The following DOCK9 variants were observed in gnomAD, a reference collection of about 807,000 sequenced individuals.
The protein encoded by DOCK9 is dedicator of cytokinesis protein 9.
In DOCK9, 89 loss-of-function variants were observed where a neutral mutation model predicts 263.3. The observed-to-expected ratio is 0.34, with a 90% CI of 0.28 to 0.40. The LOEUF is 0.40. Among genes scored for constraint, DOCK9 ranks in the 10% least tolerant of loss-of-function variants. The probability of loss-of-function intolerance (pLI) is 1.00; values close to 1 mark genes in which losing one functional copy is unlikely to be tolerated. For synonymous variants in DOCK9, 976 were observed against 973.1 expected (o/e 1.00, Z -0.06); for missense variants, 2,140 against 2,603.4 (o/e 0.82, Z 3.87).
Position 98,925,879 on chromosome 13 carries a change from T to G in DOCK9, c.374A>C (p.Tyr125Ser). 6.3e-7 allele frequency: 1 copy of G among 1,587,082 alleles called. No individual in the cohort carries two copies. Among genetic ancestry groups the G allele is most frequent in the Non-Finnish European group, 8.6e-7 (1 of 1,165,870 alleles). ...TYNSDWHLVN[Y>S]KYEDYSGEFR... ...CTCTCCTGAGTAATCTTCATATTTA[T>G]AGTTCACAAGATGCCAGTCAGAGTT... Residue 125 changes from tyrosine (Y) to serine (S), a missense_variant, in exon 4 of 53, where the codon TAT becomes TCT. Coordinates refer to ENST00000682017, the MANE Select transcript of DOCK9 (RefSeq NM_001366683.2).
At position 98,805,013 on chromosome 13, in the gene DOCK9, C is replaced by A. The variant is rs769326350; in HGVS notation, c.5711G>T (p.Arg1904Leu). The part of the protein sequence containing the change: ...QGGVEEQCKR[R>L]TILTAIHCFP... ...GGGGCCCATACCTGTCAGGATGGTG[C>A]GCCGTTTGCACTGCTCTTCCACCCC... Residue 1904 changes from arginine (R) to leucine (L), a missense_variant, in exon 49 of 53, where the codon CGC becomes CTC. Arg to Leu is a moderately radical substitution (Grantham distance 102). Transcript: ENST00000682017. 1.2e-6 allele frequency: 2 copies of A among 1,604,676 alleles called. No individual in the cohort carries two copies. The highest frequency in any genetic ancestry group is 2.2e-5 in the East Asian group (1 of 44,574).
At chr13:98,930,686 C>T (rs1252386374) in intron 2 of DOCK9, among the ~76,000 whole-genome samples, 2 of 152,046 alleles carry the variant, frequency 1.3e-5, no homozygotes, top group Non-Finnish European at 2.9e-5. Flanking sequence ...GCTCTGTTGC[C>T]CAGGCTGGAG....
intron 1 of DOCK9, among the ~76,000 whole-genome samples, chr13:99,068,937 C>T (rs1012865481): frequency 2.6e-5 from 4 of 152,278 alleles, no homozygotes; most frequent in Non-Finnish European, 2.9e-5. Flanking sequence ...AAGAAAACAG[C>T]AATATGTTAG....
At chr13:98,850,562 A>T (rs146174690) in intron 35 of DOCK9, among the ~76,000 whole-genome samples, 51 of 152,338 alleles carry the variant, frequency 3.3e-4, no homozygotes, top group African/African-American at 1.2e-3. Flanking sequence ...TGAACAATAT[A>T]GCTTGGATCT....
chr13:98,965,090 G>C lies in DOCK9; in HGVS notation c.127-9539C>G, dbSNP rs144322691. Among the ~76,000 whole-genome samples, 43 of 152,272 alleles carry C rather than the reference G, an allele frequency of 2.8e-4. 1 individual carries two copies. The highest frequency in any genetic ancestry group is 7.9e-4 in the African/African-American group (33 of 41,566). On this transcript the variant is annotated intron_variant, in intron 1 of 52. Transcript: ENST00000682017. Reference sequence around the variant, plus strand: ...CCTACATGTGCCAAAGCCACCCCTGGACTATAGCCTGCAGGGAGAGATGAG... The same window carrying C: ...CCTACATGTGCCAAAGCCACCCCTGCACTATAGCCTGCAGGGAGAGATGAG...
chr13:99,042,108 CTG>C (rs1888514755), intron 1 of DOCK9, among the ~76,000 whole-genome samples: 1 of 152,188 alleles, frequency 6.6e-6, no homozygotes, highest in Admixed American at 6.5e-5. Context: ...ATGGGAAACT[CTG>C]TGGTTGGAAG....
At position 98,915,376 on chromosome 13, in the gene DOCK9, T is replaced by C. The variant is rs751232408; in HGVS notation, c.845A>G (p.Asn282Ser). The C allele has an allele frequency of 2.1e-4, 338 of 1,613,830 alleles. 1 individual carries two copies. The highest frequency in any genetic ancestry group is 2.7e-4 in the Non-Finnish European group (313 of 1,179,870). ...ITILNKILQL[N>S]FEAAMQEKRN... ...CTTTTCTTGCATTGCAGCTTCAAAG[T>C]TGAGCTGGAGGATCTTATTTAGAAT... The change falls in exon 8 of 53, where the codon AAC becomes AGC. Residue 282 changes from asparagine to serine, a missense_variant. Around this residue, in one of 2 missense-constraint regions of DOCK9, gnomAD observed 1,521 missense variants for 1,741.7 expected, o/e 0.87. Coordinates refer to ENST00000682017, the MANE Select transcript of DOCK9 (RefSeq NM_001366683.2).
intron 2 of DOCK9, chr13:98,950,593 G>A (rs779964159): frequency 1.1e-5 from 3 of 282,670 alleles, no homozygotes; most frequent in Non-Finnish European, 2.0e-5. Context: ...GTGAGCCAAC[G>A]AACCCGGCCC....
At chr13:98,835,444 C>G (rs1233691140) in intron 39 of DOCK9, among the ~76,000 whole-genome samples, 2 of 152,220 alleles carry the variant, frequency 1.3e-5, no homozygotes, top group East Asian at 3.9e-4. Context: ...GTGCACCATA[C>G]ATTCGCCCAC....
intron 1 of DOCK9, among the ~76,000 whole-genome samples, chr13:98,999,861 G>A (rs938030062): frequency 1.3e-5 from 2 of 152,182 alleles, no homozygotes; most frequent in African/African-American, 2.4e-5. Context: ...AGTCCAAAAG[G>A]TGGTTGAATG....
intron 22 of DOCK9, 97 bp from the exon 23 acceptor site, chr13:98,883,228 A>ATGT (rs368231464): frequency 0.021 from 22,765 of 1,074,834 alleles, 638 homozygotes; most frequent in Admixed American, 0.09. Flanking sequence ...TTTTTGCTGT[A>ATGT]TGTTGTTGTT....
chr13:98,964,281 T>C (rs2058977691), intron 1 of DOCK9, among the ~76,000 whole-genome samples: 1 of 152,178 alleles, frequency 6.6e-6, no homozygotes. Context: ...AGCCCTATTG[T>C]ATTTGCTGCT....
intron 45 of DOCK9, among the ~76,000 whole-genome samples, chr13:98,812,185 G>A (rs1458904571): frequency 7.7e-6 from 1 of 129,458 alleles, no homozygotes; most frequent in Non-Finnish European, 1.6e-5. Context: ...TTTTTTTTAA[G>A]GGATTTTTTT....
intron 1 of DOCK9, among the ~76,000 whole-genome samples, chr13:98,995,473 T>C (rs533270082): frequency 5.3e-4 from 78 of 147,204 alleles, no homozygotes; most frequent in African/African-American, 1.9e-3. Flanking sequence ...TAAGCCTCCT[T>C]TGAGGAAGAT....
At chr13:98,813,226 C>G (rs1339885025) in intron 45 of DOCK9, among the ~76,000 whole-genome samples, 6 of 152,164 alleles carry the variant, frequency 3.9e-5, no homozygotes, top group Admixed American at 6.5e-5. Context: ...TCTTGCCTTA[C>G]TACACTGGCT....
At chr13:98,916,236 C>T (rs2050871974) in intron 7 of DOCK9, among the ~76,000 whole-genome samples, 1 of 152,210 alleles carries the variant, frequency 6.6e-6, no homozygotes, top group African/African-American at 2.4e-5. Flanking sequence ...CTGGTCCATG[C>T]ATTGTACAAT....
At chr13:98,900,401 C>G (rs2048097003) in intron 13 of DOCK9, among the ~76,000 whole-genome samples, 1 of 152,038 alleles carries the variant, frequency 6.6e-6, no homozygotes, top group Non-Finnish European at 1.5e-5. Context: ...GATTATTGAT[C>G]AAAACATAAA....
chr13:98,873,531 C>T lies in DOCK9; in HGVS notation c.2944-5154G>A, dbSNP rs543023624. ...ACCAGCATCCCTTGCAGCTAGGTAC[C>T]GTCATGGCTAACTCTGGCCAATGCG... On this transcript the variant is annotated intron_variant, in intron 27 of 52. Transcript: ENST00000682017. 7.2e-5 allele frequency among the ~76,000 whole-genome samples: 11 copies of T among 152,302 alleles called. No homozygotes were observed. The South Asian group carries it at 1.2e-3, about 17-fold the overall frequency.
intron 9 of DOCK9, among the ~76,000 whole-genome samples, chr13:98,905,363 T>C (rs190612708): frequency 2.7e-4 from 41 of 152,080 alleles, no homozygotes; most frequent in South Asian, 8.3e-4. Context: ...TATCAACAGG[T>C]AATAAGGAAG....
Sources: gnomAD v4.1 joint callset for allele counts (sites outside exome capture counted in the v4.1 genomes callset) on GRCh38, gnomAD v4.1.1 for gene constraint, gnomAD v4.1.1 regional missense constraint, MANE v1.5 for transcripts, NCBI Gene and HGNC (gene_info 2026-07-23, HGNC 2026-07-21) for gene names.